NRXN3: variants seen among roughly 807,000 people sequenced by gnomAD.
The protein encoded by NRXN3 is neurexin III.
NRXN3 carries 32 observed loss-of-function variants against 137.6 expected under a neutral mutation model. That is an observed-to-expected ratio of 0.23 (90% CI 0.18 to 0.31). The LOEUF is 0.31. NRXN3 is among the 10% of genes least tolerant of loss of function. The pLI, the probability that NRXN3 is intolerant of heterozygous loss-of-function variation, is 1.00. For synonymous variants in NRXN3, 798 were observed against 784.5 expected (o/e 1.02, Z -0.29); for missense variants, 1,574 against 2,062.5 (o/e 0.76, Z 4.59).
At chr14:79,105,043 A>G (rs566148372) in intron 15 of NRXN3, among the ~76,000 whole-genome samples, 345 of 152,198 alleles carry the variant, frequency 2.3e-3, no homozygotes, top group Non-Finnish European at 4.0e-3. Flanking sequence ...ATAGCAGTTT[A>G]TTTCTTGCTT....
chr14:79,816,237 A>G (rs1341111796), intron 20 of NRXN3, among the ~76,000 whole-genome samples: 2 of 152,236 alleles, frequency 1.3e-5, no homozygotes, highest in Non-Finnish European at 2.9e-5. Flanking sequence ...GTTTGAAAAT[A>G]GACATTTTCT....
intron 16 of NRXN3, among the ~76,000 whole-genome samples, chr14:79,660,056 G>A (rs1043350189): frequency 2.0e-5 from 3 of 152,096 alleles, no homozygotes; most frequent in Admixed American, 1.3e-4. Flanking sequence ...ATCAAGAAGT[G>A]GCTTCAGAAA....
chr14:78,901,764 G>A (rs1393651994), intron 10 of NRXN3, among the ~76,000 whole-genome samples: 2 of 152,006 alleles, frequency 1.3e-5, no homozygotes, highest in African/African-American at 2.4e-5. Flanking sequence ...GTCTGGGTTC[G>A]AGTTACTTGT....
chr14:79,580,778 G>A (rs1244086972), intron 16 of NRXN3, among the ~76,000 whole-genome samples: 1 of 152,060 alleles, frequency 6.6e-6, no homozygotes, highest in South Asian at 2.1e-4. Context: ...TCAAAGTGGG[G>A]AAAAGAAAAC....
chr14:78,942,273 T>C (rs1389688696), intron 10 of NRXN3, among the ~76,000 whole-genome samples: 1 of 152,200 alleles, frequency 6.6e-6, no homozygotes, highest in Non-Finnish European at 1.5e-5. Context: ...TAAAGTCCTG[T>C]TCTTGATTCA....
chr14:79,490,698 G>A (rs1198817591), intron 16 of NRXN3, among the ~76,000 whole-genome samples: 1 of 151,710 alleles, frequency 6.6e-6, no homozygotes, highest in Admixed American at 6.6e-5. Flanking sequence ...GGGAGGTGGG[G>A]GTGGTTAATG....
chr14:79,523,295 AATTTCTTC>A (rs1181690996), intron 16 of NRXN3, among the ~76,000 whole-genome samples: 1 of 152,162 alleles, frequency 6.6e-6, no homozygotes, highest in East Asian at 1.9e-4. Flanking sequence ...AACAGATAAG[AATTTCTTC>A]TTTCTCATGA....
At chr14:78,269,607 A>G (rs1484224766) in intron 2 of NRXN3, among the ~76,000 whole-genome samples, 1 of 152,172 alleles carries the variant, frequency 6.6e-6, no homozygotes, top group Non-Finnish European at 1.5e-5. Context: ...TGTTATGTGT[A>G]TTTTATCACA....
chr14:78,250,559 G>T (rs539808021), intron 2 of NRXN3, among the ~76,000 whole-genome samples: 10 of 152,318 alleles, frequency 6.6e-5, no homozygotes, highest in African/African-American at 2.4e-4. Context: ...TGCTGACAAT[G>T]GTTATGACTG....
chr14:79,032,009 C>A (rs1184404746), intron 15 of NRXN3, among the ~76,000 whole-genome samples: 1 of 151,976 alleles, frequency 6.6e-6, no homozygotes, highest in Admixed American at 6.6e-5. Flanking sequence ...CTGAGAAAAC[C>A]AGGATGGAAA....
rs150147191 is a variant in NRXN3, at chr14:78,184,898, C to T, written c.-704+14224C>T. 1.8e-4 allele frequency among the ~76,000 whole-genome samples: 27 copies of T among 152,236 alleles called. 1 individual carries two copies. The East Asian group carries it at 4.2e-3, about 24-fold the overall frequency. ...ATGGAGGAACCCTGCTGGTGTTGCT[C>T]GAGTTTGGATGCTGTGCTTAAAGGA... On this transcript the variant is annotated intron_variant, in intron 1 of 20. Transcript: ENST00000335750.
chr14:79,407,957 G>T (rs767798662), intron 15 of NRXN3, among the ~76,000 whole-genome samples: 1 of 152,074 alleles, frequency 6.6e-6, no homozygotes, highest in Non-Finnish European at 1.5e-5. Context: ...GTTGAATATT[G>T]GTTCATATCT....
At chr14:79,603,708 T>G (rs1278098709) in intron 16 of NRXN3, among the ~76,000 whole-genome samples, 1 of 150,864 alleles carries the variant, frequency 6.6e-6, no homozygotes, top group Non-Finnish European at 1.5e-5. Context: ...AATAAATGTT[T>G]GAAAAAAAAA....
At chr14:78,233,345 T>G (rs998587582) in intron 1 of NRXN3, among the ~76,000 whole-genome samples, 2 of 152,116 alleles carry the variant, frequency 1.3e-5, no homozygotes, top group Admixed American at 6.5e-5. Context: ...GACATCAGAT[T>G]TCTCTTCCGC....
chr14:79,348,157 T>C (rs2092993422), intron 15 of NRXN3, among the ~76,000 whole-genome samples: 1 of 152,150 alleles, frequency 6.6e-6, no homozygotes, highest in African/African-American at 2.4e-5. Context: ...ATATTGAAAT[T>C]ACCCATCCAT....
In NRXN3 at chr14:79,227,804, T is replaced by C. The variant is rs143010574; in HGVS notation, c.3263-239417T>C. ...TTCCTTCCCTCCTCCCTTCCTCCCT[T>C]CCTCCCTCCCTTCCTCCCTTCCTCC... On this transcript the variant is annotated intron_variant, in intron 15 of 20. Coordinates refer to ENST00000335750, the MANE Select transcript of NRXN3 (RefSeq NM_001330195.2). Among the ~76,000 whole-genome samples, 581 of 106,388 alleles carry C rather than the reference T, an allele frequency of 5.5e-3. 8 individuals carry two copies. Among genetic ancestry groups the C allele is most frequent in the South Asian group, 8.3e-3 (22 of 2,654 alleles). 69.8% of individuals were successfully genotyped at this position (106,388 alleles called of 152,430 possible).
At chr14:78,959,018 A>G (rs1346351137) in intron 11 of NRXN3, among the ~76,000 whole-genome samples, 3 of 152,262 alleles carry the variant, frequency 2.0e-5, no homozygotes, top group Admixed American at 1.3e-4. Flanking sequence ...TTGATATTCT[A>G]TTATTTCTAT....
At chr14:79,171,974 A>T (rs1231828140) in intron 15 of NRXN3, among the ~76,000 whole-genome samples, 1 of 152,146 alleles carries the variant, frequency 6.6e-6, no homozygotes, top group South Asian at 2.1e-4. Context: ...GTTTTACTTT[A>T]TCTTGCAACA....
At chr14:79,275,346 C>T (rs762694062) in intron 15 of NRXN3, among the ~76,000 whole-genome samples, 1 of 151,972 alleles carries the variant, frequency 6.6e-6, no homozygotes, top group Non-Finnish European at 1.5e-5. Flanking sequence ...ACCGAAAAAG[C>T]TTAGGGCTCA....
Sources: allele counts gnomAD v4.1 joint callset (sites outside exome capture counted in the v4.1 genomes callset), GRCh38; gene constraint gnomAD v4.1.1; transcripts MANE v1.5; gene names NCBI Gene and HGNC (gene_info 2026-07-23, HGNC 2026-07-21).